ABCA9: variants seen among roughly 807,000 people sequenced by gnomAD.
ABCA9 encodes the protein ATP-binding cassette sub-family A member 9.
ABCA9 carries 183 observed loss-of-function variants against 205.3 expected under a neutral mutation model. That is an observed-to-expected ratio of 0.89 (90% CI 0.79 to 1.01). The LOEUF (loss-of-function observed/expected upper bound fraction) is 1.01. ABCA9 is among the 50% of genes least tolerant of loss of function. The probability of loss-of-function intolerance (pLI) is 0.00; values close to 1 mark genes in which losing one functional copy is unlikely to be tolerated. For synonymous variants in ABCA9, 651 were observed against 683.3 expected, an observed-to-expected ratio of 0.95 and a Z score of 0.74; for missense variants, 1,805 against 1,912.4, an observed-to-expected ratio of 0.94 and a Z score of 1.05.
intron 37 of ABCA9, 107 bp from the exon 38 acceptor site, chr17:68,976,297 G>T: frequency 2.1e-6 from 2 of 932,052 alleles, no homozygotes; most frequent in Admixed American, 4.5e-5. Context: ...TAAAAGATAA[G>T]GTAATAAGTA....
chr17:69,054,234 A>G (rs2071997709), intron 1 of ABCA9, among the ~76,000 whole-genome samples: 1 of 152,212 alleles, frequency 6.6e-6, no homozygotes, highest in South Asian at 2.1e-4. Context: ...ACAAATTTAT[A>G]TATAAGCCTG....
At chr17:69,041,990 C>T (rs2071561127) in intron 6 of ABCA9, among the ~76,000 whole-genome samples, 1 of 152,140 alleles carries the variant, frequency 6.6e-6, no homozygotes, top group South Asian at 2.1e-4. Flanking sequence ...TATATGCATT[C>T]TACATATCTT....
chr17:69,056,705 C>T (rs949024310), intron 1 of ABCA9, among the ~76,000 whole-genome samples: 1 of 152,070 alleles, frequency 6.6e-6, no homozygotes, highest in Non-Finnish European at 1.5e-5. Context: ...TCCTTCATCC[C>T]CTGGGATATT....
At chr17:69,021,281 A>C (rs2070799168) in intron 18 of ABCA9, among the ~76,000 whole-genome samples, 1 of 152,144 alleles carries the variant, frequency 6.6e-6, no homozygotes, top group African/African-American at 2.4e-5. Context: ...ATAGTGAACC[A>C]GTAAAAAAAA....
chr17:69,068,242 T>C, the ABCA9 span, among the ~76,000 whole-genome samples: 3 of 152,228 alleles, frequency 2.0e-5, no homozygotes, highest in Admixed American at 2.0e-4. Flanking sequence ...GAGCCCATCC[T>C]GGGAGTATTT....
chr17:69,045,129 T>C (rs1475391048), intron 4 of ABCA9, 43 bp downstream of exon 4: 1 of 1,573,214 alleles, frequency 6.4e-7, no homozygotes, highest in Admixed American at 1.7e-5. Flanking sequence ...TTGTGGCTAC[T>C]GATACAATAG....
At chr17:69,054,675 A>T (rs1446867992) in intron 1 of ABCA9, among the ~76,000 whole-genome samples, 3 of 152,044 alleles carry the variant, frequency 2.0e-5, no homozygotes, top group Non-Finnish European at 4.4e-5. Flanking sequence ...AATGTATTCA[A>T]TTGTGTATAC....
rs1450073928 is a variant in ABCA9 at position 68,974,515 on chromosome 17, T to G, written c.*1400A>C. On this transcript the variant is annotated 3_prime_UTR_variant, in exon 39 of 39. Coordinates refer to ENST00000340001, the MANE Select transcript of ABCA9 (RefSeq NM_080283.4). ...ACGGGTTGATGGAAGTGTTTTATTT[T>G]CAAAAACTAGAAGAATATAAGAACT... 1 of 152,228 alleles carries G rather than the reference T, an allele frequency of 6.6e-6. No homozygotes were observed. The highest frequency in any genetic ancestry group is 1.5e-5 in the Non-Finnish European group (1 of 68,044). 9.4% of individuals were successfully genotyped at this position (152,228 alleles called of 1,614,324 possible). A position where few individuals can be genotyped will look rare whatever the true frequency, so the allele number is the denominator to read the frequency against.
chr17:69,003,394 T>A (rs1302070979), intron 25 of ABCA9, among the ~76,000 whole-genome samples: 2 of 145,986 alleles, frequency 1.4e-5, no homozygotes, highest in African/African-American at 2.6e-5. Context: ...TTTGGCTGGA[T>A]ATGAAATTCT....
At chr17:69,022,537 T>TGC (rs932063985) in intron 17 of ABCA9, 1 of 151,854 alleles carries the variant, frequency 6.6e-6, no homozygotes, top group Non-Finnish European at 1.5e-5. Flanking sequence ...TGTGTGTGTG[T>TGC]GCGCGCGTTT....
intron 25 of ABCA9, among the ~76,000 whole-genome samples, chr17:69,000,131 T>C (rs1216928914): frequency 6.6e-6 from 1 of 151,746 alleles, no homozygotes; most frequent in African/African-American, 2.4e-5. Context: ...TTTAGTTTAA[T>C]TAGATCCCAT....
At chr17:69,010,480 G>A (rs1044288062) in intron 23 of ABCA9, among the ~76,000 whole-genome samples, 11 of 152,162 alleles carry the variant, frequency 7.2e-5, no homozygotes, top group African/African-American at 2.6e-4. Context: ...AGGAGGAAAG[G>A]TAGAGAGATA....
At chr17:68,986,555 C>G (rs754169411) in intron 31 of ABCA9, 21 of 377,728 alleles carry the variant, frequency 5.6e-5, no homozygotes, top group South Asian at 1.2e-4. Context: ...ATTCCATGAC[C>G]GTGATTGAAC....
intron 2 of ABCA9, among the ~76,000 whole-genome samples, chr17:69,050,341 CGAA>C (rs1567973833): frequency 6.5e-5 from 4 of 61,360 alleles, no homozygotes; most frequent in Non-Finnish European, 1.6e-4. Flanking sequence ...CACACACACA[CGAA>C]CACACACACA....
In ABCA9 at chr17:68,975,861, T is replaced by C. The variant is rs1017839656; in HGVS notation, c.*54A>G. On this transcript the variant is annotated 3_prime_UTR_variant, in exon 39 of 39. Coordinates refer to ENST00000340001, the MANE Select transcript of ABCA9 (RefSeq NM_080283.4). ...TATAAGGCATATTAAGGCTATAAAATATTATCTTTAAAAGAGTCACAGGAT... is the reference window on the plus strand; with the variant it reads ...TATAAGGCATATTAAGGCTATAAAACATTATCTTTAAAAGAGTCACAGGAT... The C allele has an allele frequency of 9.6e-6, 13 of 1,354,184 alleles. No homozygotes were observed. In the South Asian group the frequency reaches 1.4e-4, roughly 14 times the overall value. 83.9% of individuals were successfully genotyped at this position (1,354,184 alleles called of 1,614,324 possible). A position where few individuals can be genotyped will look rare whatever the true frequency, so the allele number is the denominator to read the frequency against.
upstream of ABCA9, among the ~76,000 whole-genome samples, chr17:69,062,415 C>T (rs2072280208): frequency 6.6e-6 from 1 of 151,968 alleles, no homozygotes; most frequent in Non-Finnish European, 1.5e-5. Flanking sequence ...TTCAGTGTAC[C>T]ACACTGTAAT....
rs776476500 is a variant in ABCA9 at position 69,029,247 on chromosome 17, G to A, written c.1446-20C>T. 14 of 1,475,238 alleles carry A rather than the reference G, an allele frequency of 9.5e-6. No individual in the cohort carries two copies. The highest frequency in any genetic ancestry group is 2.4e-5 in the South Asian group (2 of 82,470). 91.4% of individuals were successfully genotyped at this position (1,475,238 alleles called of 1,614,324 possible). ...TTGATTCTGAAAAAAAGAGGGAAATGTTTTCAGAGAATTGTAAAAATGTGC... is the reference window on the plus strand; with the variant it reads ...TTGATTCTGAAAAAAAGAGGGAAATATTTTCAGAGAATTGTAAAAATGTGC... On this transcript the variant is annotated intron_variant, in intron 10 of 38. Transcript: ENST00000340001.
Position 69,007,855 on chromosome 17 carries a change from G to A in ABCA9, c.3339C>T (p.Gly1113=), listed in dbSNP as rs755683488. 7.5e-6 allele frequency: 12 copies of A among 1,601,846 alleles called. No homozygotes were observed. The highest frequency in any genetic ancestry group is 9.4e-6 in the Non-Finnish European group (11 of 1,169,720). The change falls in exon 25 of 39, where the codon GGC becomes GGT. Residue 1113 remains glycine (G), a synonymous_variant. Transcript: ENST00000340001. ...TCAAGAAAACAAGAGATGAGACATAGCCAATACTACACAGGATCTGAAAAC... is the reference window on the plus strand; with the variant it reads ...TCAAGAAAACAAGAGATGAGACATAACCAATACTACACAGGATCTGAAAAC... ...NLLIQILCSI[G]YVSSLVFLTY...
chr17:69,052,799 T>G (rs1162066035), intron 1 of ABCA9, among the ~76,000 whole-genome samples: 1 of 152,222 alleles, frequency 6.6e-6, no homozygotes, highest in African/African-American at 2.4e-5. Flanking sequence ...CCTGGGTCTT[T>G]TGTACTTCTG....
Sources: allele counts gnomAD v4.1 joint callset (sites outside exome capture counted in the v4.1 genomes callset), GRCh38; gene constraint gnomAD v4.1.1; transcripts MANE v1.5; gene names NCBI Gene and HGNC (gene_info 2026-07-23, HGNC 2026-07-21).